The following AUTS2 variants were observed in gnomAD, a reference collection of about 807,000 sequenced individuals.
The protein encoded by AUTS2 is activator of transcription and developmental regulator AUTS2.
In AUTS2, 17 loss-of-function variants were observed where a neutral mutation model predicts 112.4. The observed-to-expected ratio is 0.15, with a 90% confidence interval of 0.10 to 0.23. AUTS2 has a LOEUF of 0.23. Among genes scored for constraint, AUTS2 ranks in the 10% least tolerant of loss-of-function variants. The probability of loss-of-function intolerance (pLI) is 1.00; values close to 1 mark genes in which losing one functional copy is unlikely to be tolerated. For missense variants in AUTS2, 1,510 were observed against 1,701.6 expected (o/e 0.89, Z 1.98); for synonymous variants, 751 against 702.7 (o/e 1.07, Z -1.09).
At chr7:69,939,263 C>A (rs1344747324) in intron 2 of AUTS2, among the ~76,000 whole-genome samples, 1 of 152,162 alleles carries the variant, frequency 6.6e-6, no homozygotes, top group Non-Finnish European at 1.5e-5. Flanking sequence ...TTCTCCTATT[C>A]ATTTCTAAGG....
intron 2 of AUTS2, among the ~76,000 whole-genome samples, chr7:69,951,661 C>T (rs986044862): frequency 1.3e-5 from 2 of 152,170 alleles, no homozygotes; most frequent in Non-Finnish European, 2.9e-5. Context: ...GGAGCCTCAT[C>T]AGAAGAGGCG....
chr7:70,532,321 A>G (rs1337260706), intron 5 of AUTS2, among the ~76,000 whole-genome samples: 1 of 152,272 alleles, frequency 6.6e-6, no homozygotes, highest in African/African-American at 2.4e-5. Flanking sequence ...TACTTCAACA[A>G]TCTCTGCAAA....
intron 1 of AUTS2, among the ~76,000 whole-genome samples, chr7:69,776,984 T>G (rs1788925535): frequency 6.6e-6 from 1 of 152,092 alleles, no homozygotes; most frequent in Admixed American, 6.6e-5. Context: ...AGGGAGTCAC[T>G]CTCTGTTTTC....
chr7:69,960,367 C>T (rs2129546890), intron 2 of AUTS2, among the ~76,000 whole-genome samples: 1 of 152,238 alleles, frequency 6.6e-6, no homozygotes, highest in Non-Finnish European at 1.5e-5. Flanking sequence ...CACCAAACCA[C>T]TGTAGAGTAA....
At chr7:69,876,376 A>ATATATATATG (rs1249907173) in intron 1 of AUTS2, among the ~76,000 whole-genome samples, 2 of 114,484 alleles carry the variant, frequency 1.7e-5, no homozygotes, top group African/African-American at 3.3e-5. Context: ...ATATATATAT[A>ATATATATATG]TATATATGTA....
In AUTS2 at chr7:69,728,813, A is replaced by G. The variant is rs1403630912; in HGVS notation, c.309+128851A>G. ...TGTAGAGAATTAATTTCAGTCAAAG[A>G]TAGCAGAGCTTTAATCTCAGCTTTC... On this transcript the variant is annotated intron_variant, in intron 1 of 18. Transcript: ENST00000342771. Among the ~76,000 whole-genome samples, 6 of 152,074 alleles carry G rather than the reference A, an allele frequency of 3.9e-5. No individual in the cohort carries two copies. In the East Asian group the frequency reaches 5.8e-4, roughly 15 times the overall value.
At chr7:69,942,360 C>A (rs1796659062) in intron 2 of AUTS2, among the ~76,000 whole-genome samples, 1 of 152,060 alleles carries the variant, frequency 6.6e-6, no homozygotes, top group African/African-American at 2.4e-5. Flanking sequence ...GGTATGCTAC[C>A]ATTTATGTAC....
chr7:69,614,377 A>ACTTTTCTTTCTTTCTTTCTTTCTTTCTT (rs1185144450), intron 1 of AUTS2, among the ~76,000 whole-genome samples: 1 of 8,962 alleles, frequency 1.1e-4, no homozygotes, highest in African/African-American at 2.8e-4. Context: ...TTTTTAAGAG[A>ACTTTTCTTTCTTTCTTTCTTTCTTTCTT]TGGGATCTCA....
chr7:70,196,370 C>A (rs1256698009), intron 4 of AUTS2, among the ~76,000 whole-genome samples: 2 of 152,168 alleles, frequency 1.3e-5, no homozygotes, highest in Non-Finnish European at 1.5e-5. Context: ...TCCCTCCCTT[C>A]TTTTAGCATA....
intron 3 of AUTS2, among the ~76,000 whole-genome samples, chr7:70,121,050 T>C (rs1805655172): frequency 6.6e-6 from 1 of 152,196 alleles, no homozygotes; most frequent in Non-Finnish European, 1.5e-5. Flanking sequence ...CCCATACTTA[T>C]ATGCCTAAAT....
At chr7:69,755,581 T>C (rs925710193) in intron 1 of AUTS2, among the ~76,000 whole-genome samples, 2 of 152,218 alleles carry the variant, frequency 1.3e-5, no homozygotes, top group Non-Finnish European at 2.9e-5. Flanking sequence ...CTGGGAATAC[T>C]TGAGGTGTCA....
intron 1 of AUTS2, among the ~76,000 whole-genome samples, chr7:69,612,808 C>A (rs762527952): frequency 6.6e-6 from 1 of 152,066 alleles, no homozygotes; most frequent in Non-Finnish European, 1.5e-5. Context: ...AAATGTAACC[C>A]CTGCACTCTT....
intron 4 of AUTS2, among the ~76,000 whole-genome samples, chr7:70,267,366 T>A (rs1458304532): frequency 6.6e-6 from 1 of 152,060 alleles, no homozygotes; most frequent in South Asian, 2.1e-4. Context: ...CTTTTTTCCC[T>A]CCTGAATGCT....
intron 2 of AUTS2, among the ~76,000 whole-genome samples, chr7:69,901,591 G>A (rs1268645341): frequency 6.6e-6 from 1 of 152,126 alleles, no homozygotes; most frequent in African/African-American, 2.4e-5. Context: ...TTTGTTTTAG[G>A]TAACATATTT....
At chr7:70,275,892 T>C (rs1787905300) in intron 4 of AUTS2, among the ~76,000 whole-genome samples, 1 of 152,242 alleles carries the variant, frequency 6.6e-6, no homozygotes, top group Admixed American at 6.5e-5. Context: ...CACTTAAGCC[T>C]CTTTCCTTTA....
intron 4 of AUTS2, among the ~76,000 whole-genome samples, chr7:70,413,511 A>G (rs1350431862): frequency 6.6e-6 from 1 of 152,200 alleles, no homozygotes; most frequent in East Asian, 1.9e-4. Context: ...TCCATTTGAC[A>G]AAGAACCTGG....
At chr7:70,244,442 C>A (rs1812794161) in intron 4 of AUTS2, among the ~76,000 whole-genome samples, 1 of 152,212 alleles carries the variant, frequency 6.6e-6, no homozygotes, top group African/African-American at 2.4e-5. Context: ...TGAAATCCAG[C>A]AGCCAATCTA....
chr7:69,927,919 G>T (rs530057942), intron 2 of AUTS2, among the ~76,000 whole-genome samples: 136 of 152,358 alleles, frequency 8.9e-4, no homozygotes, highest in African/African-American at 3.2e-3. Flanking sequence ...CTGAAGGGCT[G>T]CAGGTCTTCT....
chr7:70,155,558 G>A (rs559930826), intron 4 of AUTS2, among the ~76,000 whole-genome samples: 1 of 151,392 alleles, frequency 6.6e-6, no homozygotes, highest in African/African-American at 2.4e-5. Context: ...GCTGTGTGCC[G>A]TTTGTTTTTA....
Sources: gnomAD v4.1 joint callset for allele counts (sites outside exome capture counted in the v4.1 genomes callset) on GRCh38, gnomAD v4.1.1 for gene constraint, MANE v1.5 for transcripts, NCBI Gene and HGNC (gene_info 2026-07-23, HGNC 2026-07-21) for gene names.